The following PKIB variants were observed in gnomAD, a reference collection of about 807,000 sequenced individuals.
PKIB encodes cAMP-dependent protein kinase inhibitor beta, also known as PKI-beta.
PKIB carries 2 observed loss-of-function variants against 4.5 expected under a neutral mutation model. The observed-to-expected ratio is 0.44, with a 90% CI of 0.18 to 1.39. The LOEUF (loss-of-function observed/expected upper bound fraction) is 1.39, where lower values mean the gene tolerates loss of function less well. PKIB is among the 40% of genes most tolerant of loss of function. PKIB has a pLI of 0.27. For missense variants in PKIB, 94 were observed against 92.6 expected (o/e 1.02, Z -0.06); for synonymous variants, 38 against 36.0 (o/e 1.06, Z -0.20).
chr6:122,575,328 T>C (rs1190716874), intron 2 of PKIB, among the ~76,000 whole-genome samples: 1 of 152,160 alleles, frequency 6.6e-6, no homozygotes, highest in African/African-American at 2.4e-5. Context: ...ACAACCACGA[T>C]GGAAAACAGT....
At chr6:122,515,932 C>T (rs569808727) in intron 2 of PKIB, among the ~76,000 whole-genome samples, 155 of 152,096 alleles carry the variant, frequency 1.0e-3, no homozygotes, top group Non-Finnish European at 1.1e-3. Flanking sequence ...CCAGGATGTT[C>T]TCCATCTCTT....
rs543597280 is a variant in PKIB at position 122,592,854 on chromosome 6, G to C, written c.-161+6847G>C. On this transcript the variant is annotated intron_variant, in intron 3 of 6. Transcript: ENST00000392491. Reference sequence around the variant, plus strand: ...CTTGTGAAATGCAGATTGTGATTTAGTAGTTCTGAGATGGGGTCTGAGATC... The same window carrying C: ...CTTGTGAAATGCAGATTGTGATTTACTAGTTCTGAGATGGGGTCTGAGATC... 2.2e-3 allele frequency among the ~76,000 whole-genome samples: 340 copies of C among 152,302 alleles called. 2 individuals are homozygous for C. The highest frequency in any genetic ancestry group is 7.5e-3 in the African/African-American group (313 of 41,570).
At chr6:122,613,060 C>T (rs181333578) in intron 1 of PKIB, among the ~76,000 whole-genome samples, 17 of 152,114 alleles carry the variant, frequency 1.1e-4, no homozygotes, top group South Asian at 4.1e-4. Flanking sequence ...TTCTCAGAAA[C>T]GAGATATTTC....
In PKIB at chr6:122,590,300, A is replaced by G. The variant is rs1773978288; in HGVS notation, c.-161+4293A>G. Among the ~76,000 whole-genome samples, 3 of 152,220 alleles carry G rather than the reference A, an allele frequency of 2.0e-5. No homozygotes were observed. The South Asian group carries it at 6.2e-4, about 32-fold the overall frequency. ...GAGGTTTATTTATGGGAAGCTATAT[A>G]GTGTGGAGGTTAAGATCACAGGCTC... On this transcript the variant is annotated intron_variant, in intron 3 of 6. Coordinates refer to the PKIB transcript ENST00000392491.
intron 3 of PKIB, among the ~76,000 whole-genome samples, chr6:122,595,348 G>A (rs1393311506): frequency 6.6e-6 from 1 of 152,156 alleles, no homozygotes; most frequent in Non-Finnish European, 1.5e-5. Flanking sequence ...GCTGCTTCAG[G>A]ATGATGGCAA....
intron 2 of PKIB, among the ~76,000 whole-genome samples, chr6:122,670,502 T>TTGTTGTTGTTGTTGC (rs1777421111): frequency 2.0e-5 from 1 of 49,646 alleles, no homozygotes; most frequent in Non-Finnish European, 3.4e-5. Context: ...CATGTTTTTG[T>TTGTTGTTGTTGTTGC]TGTTGTTGTT....
chr6:122,503,892 C>A (rs1776322124), intron 2 of PKIB, among the ~76,000 whole-genome samples: 1 of 152,138 alleles, frequency 6.6e-6, no homozygotes, highest in Non-Finnish European at 1.5e-5. Context: ...AAATGAAACC[C>A]AAAGTGGTTT....
intron 2 of PKIB, among the ~76,000 whole-genome samples, chr6:122,501,699 G>C (rs1042776336): frequency 6.6e-6 from 1 of 152,144 alleles, no homozygotes; most frequent in African/African-American, 2.4e-5. Context: ...GCCTATGATG[G>C]AAGGGGCTAC....
chr6:122,713,422 T>C (rs370784694), intron 3 of PKIB, among the ~76,000 whole-genome samples: 9 of 152,332 alleles, frequency 5.9e-5, no homozygotes, highest in East Asian at 5.8e-4. Context: ...AGTTAATCTG[T>C]CATTTTTCTC....
Position 122,647,396 on chromosome 6 carries a change from C to T in PKIB, c.-76+14029C>T, listed in dbSNP as rs116128677. Among the ~76,000 whole-genome samples, 892 of 152,302 alleles carry T rather than the reference C, an allele frequency of 5.9e-3. 9 individuals carry two copies. Among genetic ancestry groups the T allele is most frequent in the African/African-American group, 0.018 (756 of 41,566 alleles). On this transcript the variant is annotated intron_variant, in intron 2 of 4. Coordinates refer to ENST00000368452, the MANE Select transcript of PKIB (RefSeq NM_181795.3). ...GGGGACTATAGACTAGTCAGGTTGA[C>T]GCATGAAGCTGATCACCACATCACA...
intron 2 of PKIB, among the ~76,000 whole-genome samples, chr6:122,527,488 T>C (rs1777128135): frequency 6.6e-6 from 1 of 152,134 alleles, no homozygotes; most frequent in African/African-American, 2.4e-5. Context: ...TGGCAGGATT[T>C]CTATTGACCT....
chr6:122,566,756 G>T (rs1296421538), intron 2 of PKIB, among the ~76,000 whole-genome samples: 1 of 151,790 alleles, frequency 6.6e-6, no homozygotes, highest in Admixed American at 6.6e-5. Context: ...ACTTCATCCA[G>T]CAGGCATACA....
chr6:122,582,934 A>G (rs35433493), intron 2 of PKIB, among the ~76,000 whole-genome samples: 28,839 of 151,950 alleles, frequency 0.19, 3,442 homozygotes, highest in Non-Finnish European at 0.27. Context: ...TGGCTATGCA[A>G]GTTGTATCAT....
chr6:122,614,787 A>AGT (rs1045948502), intron 1 of PKIB, among the ~76,000 whole-genome samples: 3 of 152,260 alleles, frequency 2.0e-5, no homozygotes, highest in Middle Eastern at 3.4e-3. Context: ...TCTTAAAATC[A>AGT]GTGTGTGTGT....
At chr6:122,701,417 C>T (rs1043498570) in intron 3 of PKIB, 1 of 1,550,648 alleles carries the variant, frequency 6.4e-7, no homozygotes, top group Non-Finnish European at 8.7e-7. Flanking sequence ...GGTTAAGGCA[C>T]TGTTTTCTCA....
intron 2 of PKIB, among the ~76,000 whole-genome samples, chr6:122,575,300 G>A (rs534249250): frequency 1.3e-5 from 2 of 152,238 alleles, no homozygotes; most frequent in African/African-American, 2.4e-5. Flanking sequence ...TATATTGCTG[G>A]TGGGAATGTA....
intron 1 of PKIB, among the ~76,000 whole-genome samples, chr6:122,617,520 G>A (rs1775044474): frequency 6.6e-6 from 1 of 152,168 alleles, no homozygotes; most frequent in African/African-American, 2.4e-5. Context: ...TCAGTATTCA[G>A]TGAAACACTG....
At chr6:122,661,189 T>A (rs1776972327) in intron 2 of PKIB, among the ~76,000 whole-genome samples, 1 of 152,168 alleles carries the variant, frequency 6.6e-6, no homozygotes, top group Admixed American at 6.5e-5. Flanking sequence ...AGTCAATTTA[T>A]TTAACTTAAA....
chr6:122,539,277 C>A (rs1777511251), intron 2 of PKIB, among the ~76,000 whole-genome samples: 2 of 152,018 alleles, frequency 1.3e-5, no homozygotes, highest in African/African-American at 4.8e-5. Context: ...AAAGGGAATG[C>A]TTCCAGTTTT....
Sources: allele counts gnomAD v4.1 joint callset (sites outside exome capture counted in the v4.1 genomes callset), GRCh38; gene constraint gnomAD v4.1.1; transcripts MANE v1.5; gene names NCBI Gene and HGNC (gene_info 2026-07-23, HGNC 2026-07-21).